The following DPP10 variants were observed in gnomAD, a reference collection of about 807,000 sequenced individuals.
DPP10 encodes the protein dipeptidyl peptidase like 10.
Under a neutral mutation model 120.9 loss-of-function variants are expected in DPP10, and 33 were observed. That is an observed-to-expected ratio of 0.27 (90% CI 0.21 to 0.37). The LOEUF (loss-of-function observed/expected upper bound fraction) is 0.37, where lower values mean the gene tolerates loss of function less well. DPP10 is among the 10% of genes least tolerant of loss of function. The pLI is 1.00. For synonymous variants in DPP10, 337 were observed against 326.1 expected (o/e 1.03, Z -0.36); for missense variants, 816 against 942.8 (o/e 0.87, Z 1.76).
At chr2:115,658,809 GA>G (rs761617516) in intron 5 of DPP10, among the ~76,000 whole-genome samples, 19 of 152,078 alleles carry the variant, frequency 1.2e-4, no homozygotes, top group Non-Finnish European at 2.1e-4. Flanking sequence ...TCCCTTATGT[GA>G]GACTAAATGA....
intron 1 of DPP10, among the ~76,000 whole-genome samples, chr2:114,880,144 C>G: frequency 6.6e-6 from 1 of 152,126 alleles, no homozygotes; most frequent in Non-Finnish European, 1.5e-5. Context: ...TGATTCTTTT[C>G]AAACACTATG....
chr2:115,383,757 T>A (rs2066624003), intron 3 of DPP10, among the ~76,000 whole-genome samples: 1 of 152,192 alleles, frequency 6.6e-6, no homozygotes, highest in South Asian at 2.1e-4. Flanking sequence ...TTTTAATGTG[T>A]ATCTCTTATA....
chr2:115,513,170 G>A (rs1433573945), intron 4 of DPP10, among the ~76,000 whole-genome samples: 1 of 151,798 alleles, frequency 6.6e-6, no homozygotes, highest in Non-Finnish European at 1.5e-5. Flanking sequence ...GCCTTAGAGT[G>A]TATTTCATTT....
intron 3 of DPP10, chr2:115,440,974 C>T (rs1045054024): frequency 6.6e-6 from 1 of 152,026 alleles, no homozygotes. Context: ...GGTAAGGAGC[C>T]CTTAGTGTCT....
chr2:114,624,249 GGA>G (rs1352980774), intron 1 of DPP10, among the ~76,000 whole-genome samples: 2 of 151,890 alleles, frequency 1.3e-5, no homozygotes, highest in Non-Finnish European at 2.9e-5. Flanking sequence ...GCCTCTCTAG[GGA>G]GAGACTGATG....
chr2:115,268,230 G>A, intron 1 of DPP10, among the ~76,000 whole-genome samples: 1 of 152,114 alleles, frequency 6.6e-6, no homozygotes, highest in African/African-American at 2.4e-5. Context: ...TGAGTTCTTA[G>A]AATAACCCAC....
chr2:115,670,960 T>C (rs1370354308), intron 5 of DPP10, among the ~76,000 whole-genome samples: 2 of 152,128 alleles, frequency 1.3e-5, no homozygotes, highest in Non-Finnish European at 2.9e-5. Context: ...AAAAAAATTG[T>C]TAAGCCATGT....
chr2:115,547,580 C>T (rs1311738845), intron 5 of DPP10, among the ~76,000 whole-genome samples: 2 of 152,022 alleles, frequency 1.3e-5, no homozygotes, highest in African/African-American at 4.8e-5. Context: ...CAACACCTGC[C>T]TGGGCAACAT....
intron 1 of DPP10, among the ~76,000 whole-genome samples, chr2:114,912,865 C>G (rs1379470245): frequency 6.6e-6 from 1 of 152,144 alleles, no homozygotes; most frequent in African/African-American, 2.4e-5. Flanking sequence ...AGAATTGTAG[C>G]CTGTGTAGAG....
At chr2:115,201,511 TC>T (rs1432553332) in intron 1 of DPP10, among the ~76,000 whole-genome samples, 2 of 152,054 alleles carry the variant, frequency 1.3e-5, no homozygotes, top group African/African-American at 4.8e-5. Flanking sequence ...ATTTGGTGAT[TC>T]CTTTAGAGAC....
At chr2:115,788,750 G>T (rs1035649267) in intron 17 of DPP10, among the ~76,000 whole-genome samples, 1 of 152,154 alleles carries the variant, frequency 6.6e-6, no homozygotes, top group African/African-American at 2.4e-5. Context: ...AACTCCAGAT[G>T]CAGCTAGTTT....
intron 1 of DPP10, among the ~76,000 whole-genome samples, chr2:115,037,842 T>C (rs1704335347): frequency 1.3e-5 from 2 of 152,194 alleles, no homozygotes. Flanking sequence ...TCACATGTAC[T>C]TCAAAGTCTA....
intron 1 of DPP10, among the ~76,000 whole-genome samples, chr2:115,266,898 T>C (rs574459916): frequency 2.6e-5 from 4 of 152,164 alleles, no homozygotes; most frequent in Non-Finnish European, 5.9e-5. Flanking sequence ...TTTTTATTCA[T>C]TTTGGGGGGG....
chr2:114,842,026 C>T (rs1000089870), intron 1 of DPP10, among the ~76,000 whole-genome samples: 1 of 152,068 alleles, frequency 6.6e-6, no homozygotes, highest in Non-Finnish European at 1.5e-5. Context: ...CATACCAGTT[C>T]TCTTTTGAAT....
intron 3 of DPP10, among the ~76,000 whole-genome samples, chr2:115,420,370 AAG>A (rs2069828845): frequency 6.6e-6 from 1 of 152,188 alleles, no homozygotes; most frequent in East Asian, 1.9e-4. Flanking sequence ...AGGAAGGAGA[AAG>A]AGATGGCTAA....
intron 1 of DPP10, chr2:115,161,976 A>T: frequency 7.1e-7 from 1 of 1,417,234 alleles, no homozygotes; most frequent in South Asian, 1.5e-5. Context: ...GCGAAGCAGG[A>T]GCCGCAGCCC....
At chr2:114,463,892 G>C (rs112813893) in intron 1 of DPP10, among the ~76,000 whole-genome samples, 1 of 152,216 alleles carries the variant, frequency 6.6e-6, no homozygotes, top group African/African-American at 2.4e-5. Context: ...TAAGATCATA[G>C]ATTATGTTGC....
chr2:114,980,079 C>T (rs1025736671), intron 1 of DPP10, among the ~76,000 whole-genome samples: 7 of 152,026 alleles, frequency 4.6e-5, no homozygotes, highest in African/African-American at 1.7e-4. Flanking sequence ...CCCTACCTTC[C>T]ATCATTTTTC....
At chr2:114,610,275 A>C (rs980495491) in intron 1 of DPP10, among the ~76,000 whole-genome samples, 12 of 152,308 alleles carry the variant, frequency 7.9e-5, no homozygotes, top group African/African-American at 2.9e-4. Context: ...GCTGGGCATT[A>C]GAATAATTTA....
Sources: allele counts gnomAD v4.1 joint callset (sites outside exome capture counted in the v4.1 genomes callset), GRCh38; gene constraint gnomAD v4.1.1; transcripts MANE v1.5; gene names NCBI Gene and HGNC (gene_info 2026-07-23, HGNC 2026-07-21).